BORCS5: variants seen among roughly 807,000 people sequenced by gnomAD.
BORCS5 encodes BLOC-1 related complex subunit 5.
Under a neutral mutation model 22.1 loss-of-function variants are expected in BORCS5, and 17 were observed. That is an observed-to-expected ratio of 0.77 (90% CI 0.53 to 1.15). BORCS5 has a LOEUF of 1.15. Ranked by LOEUF, BORCS5 falls within the 50% of genes most tolerant of loss-of-function variation. The probability of loss-of-function intolerance (pLI) is 0.00; values close to 1 mark genes in which losing one functional copy is unlikely to be tolerated. For missense variants in BORCS5, 247 were observed against 253.2 expected (o/e 0.98, Z 0.17); for synonymous variants, 117 against 99.8 (o/e 1.17, Z -1.03).
intron 2 of BORCS5, among the ~76,000 whole-genome samples, chr12:12,405,955 C>T (rs1423367849): frequency 6.6e-6 from 1 of 152,228 alleles, no homozygotes. Flanking sequence ...AGTAAAATGG[C>T]CAAGATCATG....
At chr12:12,444,794 A>G (rs1035684758) in intron 3 of BORCS5, among the ~76,000 whole-genome samples, 3 of 151,996 alleles carry the variant, frequency 2.0e-5, no homozygotes, top group African/African-American at 4.8e-5. Flanking sequence ...TTTATATTCA[A>G]TATGATTTCA....
rs1241999229 is a variant in BORCS5 at position 12,420,631 on chromosome 12, T to C, written c.203-14997T>C. On this transcript the variant is annotated intron_variant, in intron 2 of 3. Coordinates refer to ENST00000314565, the MANE Select transcript of BORCS5 (RefSeq NM_058169.6). Reference sequence around the variant, plus strand: ...ATGGCATTGAATCTATAAATTACTTTGGGCAGTATGGCCATTTTCATGATA... The same window carrying C: ...ATGGCATTGAATCTATAAATTACTTCGGGCAGTATGGCCATTTTCATGATA... 2.6e-5 allele frequency among the ~76,000 whole-genome samples: 4 copies of C among 152,228 alleles called. No individual in the cohort carries two copies. In the East Asian group the frequency reaches 7.7e-4, roughly 29 times the overall value.
intron 2 of BORCS5, among the ~76,000 whole-genome samples, chr12:12,432,132 T>A (rs965783085): frequency 7.2e-5 from 11 of 152,344 alleles, no homozygotes; most frequent in Admixed American, 6.5e-4. Context: ...ATTCTTTTTG[T>A]ATTTTAAATT....
At chr12:12,381,011 AT>A (rs530930947) in intron 2 of BORCS5, among the ~76,000 whole-genome samples, 1,305 of 122,152 alleles carry the variant, frequency 0.011, 35 homozygotes, top group African/African-American at 0.029. Context: ...TTTTTGGGGG[AT>A]TTTTTTTTTT....
intron 2 of BORCS5, among the ~76,000 whole-genome samples, chr12:12,364,317 A>G (rs935303683): frequency 2.6e-5 from 4 of 152,186 alleles, no homozygotes; most frequent in Non-Finnish European, 5.9e-5. Flanking sequence ...CAGAGGTTGC[A>G]GTGAGCCAAG....
At chr12:12,373,963 A>AGGGTTGCAGAGAG (rs1314409260) in intron 2 of BORCS5, among the ~76,000 whole-genome samples, 93 of 146,446 alleles carry the variant, frequency 6.4e-4, no homozygotes, top group African/African-American at 2.4e-3. Context: ...TAGAGAAGGC[A>AGGGTTGCAGAGAG]GGGTTGCAGA....
intron 2 of BORCS5, among the ~76,000 whole-genome samples, chr12:12,385,553 A>AGGCTAGAGTGCGGTGGCACAATCTC (rs1320443527): frequency 6.7e-6 from 1 of 149,928 alleles, no homozygotes; most frequent in Non-Finnish European, 1.5e-5. Context: ...TCTGTCACTC[A>AGGCTAGAGTGCGGTGGCACAATCTC]GGCTAGAGTG....
chr12:12,361,110 A>C, intron 1 of BORCS5, 96 bp from the exon 2 acceptor site: 1 of 1,244,132 alleles, frequency 8.0e-7, no homozygotes, highest in South Asian at 1.3e-5. Context: ...GCTACATTTT[A>C]TAAAATTATT....
Position 12,381,865 on chromosome 12 carries a change from G to C in BORCS5, c.202+20516G>C, listed in dbSNP as rs55794458. Among the ~76,000 whole-genome samples the C allele has an allele frequency of 7.1e-3, 1,081 of 151,348 alleles. 29 individuals carry two copies. The highest frequency in any genetic ancestry group is 0.027 in the Middle Eastern group (8 of 292). On this transcript the variant is annotated intron_variant, in intron 2 of 3. Transcript: ENST00000314565. ...CTTTAGTTTTATCAATTGAGAGTGA[G>C]GTACTGAATTATTAACCTGTTTTGT...
intron 2 of BORCS5, among the ~76,000 whole-genome samples, chr12:12,381,294 TTAA>T (rs930206405): frequency 1.3e-5 from 2 of 151,434 alleles, no homozygotes; most frequent in African/African-American, 4.9e-5. Flanking sequence ...ATCAATATTT[TTAA>T]TAAAGATTTC....
intron 2 of BORCS5, among the ~76,000 whole-genome samples, chr12:12,393,141 C>T (rs1222539077): frequency 6.6e-6 from 1 of 151,902 alleles, no homozygotes; most frequent in South Asian, 2.1e-4. Flanking sequence ...GAGGCTGGGG[C>T]GGGAGGATCC....
chr12:12,415,063 G>T (rs1485422858), intron 2 of BORCS5, among the ~76,000 whole-genome samples: 1 of 148,552 alleles, frequency 6.7e-6, no homozygotes, highest in African/African-American at 2.5e-5. Context: ...TCACTTTCCA[G>T]ACTGGGCAGC....
chr12:12,418,379 C>A (rs1942027885), intron 2 of BORCS5, among the ~76,000 whole-genome samples: 1 of 151,968 alleles, frequency 6.6e-6, no homozygotes, highest in Admixed American at 6.6e-5. Context: ...TCTCTTGTAA[C>A]CGCTTTCAGT....
At chr12:12,464,215 T>C (rs1471062485) in intron 3 of BORCS5, among the ~76,000 whole-genome samples, 1 of 141,542 alleles carries the variant, frequency 7.1e-6, no homozygotes. Context: ...TTTTTTTTTT[T>C]CTCTTCTCCT....
rs183420973 is a variant in BORCS5, at chr12:12,401,970, G to T, written c.203-33658G>T. 2.8e-3 allele frequency among the ~76,000 whole-genome samples: 432 copies of T among 151,678 alleles called. 5 individuals are homozygous for T. Among genetic ancestry groups the T allele is most frequent in the African/African-American group, 0.01 (413 of 41,280 alleles). ...AGTCCCAGCTACTCAGGAGGCTGAGGCAGGAGAATGGCGTGAACCCGGGAG... is the reference window on the plus strand; with the variant it reads ...AGTCCCAGCTACTCAGGAGGCTGAGTCAGGAGAATGGCGTGAACCCGGGAG... On this transcript the variant is annotated intron_variant, in intron 2 of 3. Transcript: ENST00000314565.
intron 2 of BORCS5, among the ~76,000 whole-genome samples, chr12:12,434,487 T>G (rs1942511730): frequency 6.6e-6 from 1 of 152,144 alleles, no homozygotes; most frequent in Non-Finnish European, 1.5e-5. Context: ...TTAGACATTA[T>G]TTGCAAAACA....
chr12:12,412,760 TA>T (rs1941768873), intron 2 of BORCS5, among the ~76,000 whole-genome samples: 1 of 152,182 alleles, frequency 6.6e-6, no homozygotes, highest in African/African-American at 2.4e-5. Context: ...GCATTTCTTT[TA>T]TATGGCTTTT....
chr12:12,388,924 T>G lies in BORCS5; in HGVS notation c.202+27575T>G, dbSNP rs1275282397. 1.3e-5 allele frequency among the ~76,000 whole-genome samples: 2 copies of G among 151,070 alleles called. 1 individual carries two copies. Among genetic ancestry groups the G allele is most frequent in the African/African-American group, 4.9e-5 (2 of 41,028 alleles). On this transcript the variant is annotated intron_variant, in intron 2 of 3. Transcript: ENST00000314565. ...AGCCAGTCCTCTGACTTGCAGTAAG[T>G]TCTCGCAAGAGGCTACAGTTCCGAG...
intron 3 of BORCS5, among the ~76,000 whole-genome samples, chr12:12,465,169 G>T (rs906828455): frequency 6.6e-6 from 1 of 152,086 alleles, no homozygotes; most frequent in Admixed American, 6.5e-5. Flanking sequence ...AGCAACCTGA[G>T]ACACAAAGGA....
Sources: allele counts gnomAD v4.1 joint callset (sites outside exome capture counted in the v4.1 genomes callset), GRCh38; gene constraint gnomAD v4.1.1; transcripts MANE v1.5; gene names NCBI Gene and HGNC (gene_info 2026-07-23, HGNC 2026-07-21).